The following COL8A1 variants were observed in gnomAD, a reference collection of about 807,000 sequenced individuals.
COL8A1 encodes the protein collagen alpha-1(VIII) chain.
A neutral mutation model predicts 42.7 loss-of-function variants in COL8A1; 21 were observed. The observed-to-expected ratio is 0.49, with a 90% CI of 0.35 to 0.71. COL8A1 has a LOEUF of 0.71. Ranked by LOEUF, COL8A1 falls within the 30% of genes least tolerant of loss-of-function variation. The pLI is 0.01. For synonymous variants in COL8A1, 367 were observed against 369.1 expected (o/e 0.99, Z 0.06); for missense variants, 788 against 962.4 (o/e 0.82, Z 2.40).
chr3:99,692,349 T>C (rs1939245193), intron 1 of COL8A1, among the ~76,000 whole-genome samples: 1 of 152,218 alleles, frequency 6.6e-6, no homozygotes, highest in African/African-American at 2.4e-5. Flanking sequence ...AAATGGATAG[T>C]AGGCTGAGAA....
At chr3:99,676,607 T>C (rs531493158) in intron 1 of COL8A1, among the ~76,000 whole-genome samples, 1 of 152,242 alleles carries the variant, frequency 6.6e-6, no homozygotes, top group Admixed American at 6.6e-5. Context: ...GAATACAAAA[T>C]TTCTGTGCAA....
intron 1 of COL8A1, among the ~76,000 whole-genome samples, chr3:99,714,262 T>C (rs1939927953): frequency 6.6e-6 from 1 of 152,066 alleles, no homozygotes; most frequent in South Asian, 2.1e-4. Flanking sequence ...GTACTGGACT[T>C]CCTAAAACCT....
intron 2 of COL8A1, among the ~76,000 whole-genome samples, chr3:99,779,638 C>T (rs774683263): frequency 5.3e-5 from 8 of 152,156 alleles, no homozygotes; most frequent in Non-Finnish European, 8.8e-5. Context: ...AGGTAGGAGA[C>T]GCGCCGCACT....
intron 2 of COL8A1, among the ~76,000 whole-genome samples, chr3:99,777,480 G>A (rs1032608966): frequency 2.0e-5 from 3 of 152,156 alleles, no homozygotes; most frequent in Non-Finnish European, 4.4e-5. Context: ...TCCTTAATCT[G>A]TTTGCTATTA....
At chr3:99,793,203 T>A (rs530252510) in intron 3 of COL8A1, among the ~76,000 whole-genome samples, 1 of 152,204 alleles carries the variant, frequency 6.6e-6, no homozygotes, top group African/African-American at 2.4e-5. Flanking sequence ...GTTTTTTGGA[T>A]ATCTATTGCA....
intron 2 of COL8A1, among the ~76,000 whole-genome samples, chr3:99,761,272 T>G (rs1299370981): frequency 6.6e-6 from 1 of 152,194 alleles, no homozygotes; most frequent in African/African-American, 2.4e-5. Context: ...TACCATCTAT[T>G]GTGGACCTGG....
rs959299734 is a variant in COL8A1, at chr3:99,744,014, C to T, written c.-128-883C>T. The stretch of plus-strand genomic sequence containing the variant: ...CGCGATCTCGGCTCACCGCAAGCTC[C>T]GCCTCCCAGGTTCACGCCATTCTCC... On this transcript the variant is annotated intron_variant, in intron 1 of 3. Coordinates refer to ENST00000652472, the MANE Select transcript of COL8A1 (RefSeq NM_020351.4). Among the ~76,000 whole-genome samples the T allele has an allele frequency of 5.3e-5, 8 of 152,020 alleles. No individual in the cohort carries two copies. The South Asian group carries it at 6.2e-4, about 12-fold the overall frequency.
intron 1 of COL8A1, among the ~76,000 whole-genome samples, chr3:99,689,150 T>C (rs1360056284): frequency 6.6e-6 from 1 of 152,230 alleles, no homozygotes; most frequent in African/African-American, 2.4e-5. Flanking sequence ...GTGTAAGTCA[T>C]TTATCTCAGC....
At chr3:99,652,946 T>G (rs1249514738) in intron 1 of COL8A1, among the ~76,000 whole-genome samples, 2 of 152,312 alleles carry the variant, frequency 1.3e-5, no homozygotes, top group Non-Finnish European at 2.9e-5. Flanking sequence ...AGCACTGAAG[T>G]TAGCATAAGA....
intron 2 of COL8A1, among the ~76,000 whole-genome samples, chr3:99,756,037 A>G (rs984773869): frequency 6.6e-6 from 1 of 152,018 alleles, no homozygotes; most frequent in Non-Finnish European, 1.5e-5. Flanking sequence ...GCAAAACATG[A>G]TCGGTGCCCA....
intron 1 of COL8A1, among the ~76,000 whole-genome samples, chr3:99,731,060 C>T (rs571734759): frequency 1.4e-4 from 22 of 152,144 alleles, no homozygotes; most frequent in African/African-American, 4.6e-4. Context: ...AGGCCTGGTT[C>T]TGGTTGCAAA....
intron 2 of COL8A1, among the ~76,000 whole-genome samples, chr3:99,789,615 G>A (rs1941962234): frequency 6.6e-6 from 1 of 152,116 alleles, no homozygotes; most frequent in Admixed American, 6.5e-5. Context: ...AGCCTAGGGC[G>A]TTTCCAAACA....
intron 1 of COL8A1, among the ~76,000 whole-genome samples, chr3:99,707,456 A>G (rs750181735): frequency 3.9e-5 from 6 of 152,154 alleles, no homozygotes; most frequent in Admixed American, 1.3e-4. Flanking sequence ...CAGTTAGCTA[A>G]CTATTGTCCT....
rs560967827 is a variant in COL8A1, at chr3:99,755,292, C to T, written c.-4+10271C>T. Among the ~76,000 whole-genome samples, 35 of 152,212 alleles carry T rather than the reference C, an allele frequency of 2.3e-4. No homozygotes were observed. The East Asian group carries it at 6.8e-3, about 29-fold the overall frequency. On this transcript the variant is annotated intron_variant, in intron 2 of 3. Coordinates refer to ENST00000652472, the MANE Select transcript of COL8A1 (RefSeq NM_020351.4). Reference sequence around the variant, plus strand: ...ATCAAATCCTGAAATAAGATGACTCCCTCTGATAGTTGAGTTTTTTAAAAG... The same window carrying T: ...ATCAAATCCTGAAATAAGATGACTCTCTCTGATAGTTGAGTTTTTTAAAAG...
At chr3:99,769,506 A>G (rs1941536879) in intron 2 of COL8A1, among the ~76,000 whole-genome samples, 1 of 152,284 alleles carries the variant, frequency 6.6e-6, no homozygotes, top group Admixed American at 6.5e-5. Context: ...GTGTCCTGTC[A>G]TTAAAGCTTC....
intron 2 of COL8A1, among the ~76,000 whole-genome samples, chr3:99,767,053 T>C (rs1941478801): frequency 6.6e-6 from 1 of 152,246 alleles, no homozygotes; most frequent in Non-Finnish European, 1.5e-5. Flanking sequence ...AGATATGTTG[T>C]TGCATTCTAC....
At chr3:99,682,083 C>A (rs1447152653) in intron 1 of COL8A1, among the ~76,000 whole-genome samples, 1 of 152,134 alleles carries the variant, frequency 6.6e-6, no homozygotes, top group Non-Finnish European at 1.5e-5. Flanking sequence ...GCCTTTTATA[C>A]AAATCCGAAG....
intron 1 of COL8A1, among the ~76,000 whole-genome samples, chr3:99,644,274 T>C (rs756739593): frequency 2.6e-5 from 4 of 152,176 alleles, no homozygotes; most frequent in Admixed American, 6.5e-5. Context: ...TTAAAACTCT[T>C]CTTATCATTT....
chr3:99,726,436 T>C (rs972259506), intron 1 of COL8A1, among the ~76,000 whole-genome samples: 4 of 151,628 alleles, frequency 2.6e-5, no homozygotes, highest in Non-Finnish European at 5.9e-5. Flanking sequence ...TTTGTCAATT[T>C]TGGCTTTTGT....
Sources: allele counts gnomAD v4.1 joint callset (sites outside exome capture counted in the v4.1 genomes callset), GRCh38; gene constraint gnomAD v4.1.1; transcripts MANE v1.5; gene names NCBI Gene and HGNC (gene_info 2026-07-23, HGNC 2026-07-21).